Variants in DMRT1 observed in about 807,000 individuals in gnomAD.
DMRT1 encodes the protein doublesex- and mab-3-related transcription factor 1.
Under a neutral mutation model 32.3 loss-of-function variants are expected in DMRT1, and 7 were observed. The ratio of observed to expected loss-of-function variants is 0.22; its 90% CI spans 0.12 to 0.41. DMRT1 has a LOEUF of 0.41. DMRT1 is among the 10% of genes least tolerant of loss of function. The probability of loss-of-function intolerance (pLI) is 1.00; values close to 1 mark genes in which losing one functional copy is unlikely to be tolerated. For synonymous variants in DMRT1, 278 were observed against 206.1 expected (o/e 1.35, Z -2.99); for missense variants, 625 against 500.5 (o/e 1.25, Z -2.37).
At chr9:960,150 G>T (rs1819725536) in intron 4 of DMRT1, among the ~76,000 whole-genome samples, 1 of 152,166 alleles carries the variant, frequency 6.6e-6, no homozygotes, top group African/African-American at 2.4e-5. Flanking sequence ...CCTCAGGAAT[G>T]GTTAAGTGTC....
chr9:910,618 G>T (rs972289356), intron 3 of DMRT1, among the ~76,000 whole-genome samples: 1 of 151,944 alleles, frequency 6.6e-6, no homozygotes, highest in Non-Finnish European at 1.5e-5. Flanking sequence ...CGTATAAAAG[G>T]AAATTATGGC....
intron 3 of DMRT1, 40 bp downstream of exon 3, chr9:894,235 A>G (rs1817265328): frequency 6.2e-7 from 1 of 1,605,134 alleles, no homozygotes; most frequent in East Asian, 2.2e-5. Flanking sequence ...TGGTTGTGTG[A>G]AAGCCACATG....
chr9:913,580 G>A (rs1415694938), intron 3 of DMRT1, among the ~76,000 whole-genome samples: 1 of 150,882 alleles, frequency 6.6e-6, no homozygotes, highest in Admixed American at 6.6e-5. Flanking sequence ...AAACTGGATG[G>A]TTGTAAGCAA....
At chr9:902,086 T>C (rs1369456317) in intron 3 of DMRT1, among the ~76,000 whole-genome samples, 1 of 151,600 alleles carries the variant, frequency 6.6e-6, no homozygotes, top group Non-Finnish European at 1.5e-5. Flanking sequence ...ATTTTTGTAT[T>C]TTTAGTCGAG....
At chr9:942,271 T>C (rs1819099744) in intron 4 of DMRT1, among the ~76,000 whole-genome samples, 2 of 152,170 alleles carry the variant, frequency 1.3e-5, no homozygotes, top group Non-Finnish European at 1.5e-5. Context: ...GAAATATCAA[T>C]TTTCCTTTTC....
chr9:922,479 A>G (rs1018247172), intron 4 of DMRT1, among the ~76,000 whole-genome samples: 7 of 152,228 alleles, frequency 4.6e-5, no homozygotes, highest in Non-Finnish European at 5.9e-5. Context: ...GTGTTTTAAC[A>G]GATGCACCTC....
intron 3 of DMRT1, among the ~76,000 whole-genome samples, chr9:914,489 A>G (rs7861775): frequency 0.65 from 97,842 of 149,446 alleles, 32,230 homozygotes; most frequent in East Asian, 0.72. Flanking sequence ...CAGGAGAATG[A>G]CGTGAACCTG....
intron 2 of DMRT1, among the ~76,000 whole-genome samples, chr9:885,947 A>G (rs1048766648): frequency 6.6e-6 from 1 of 152,214 alleles, no homozygotes; most frequent in Non-Finnish European, 1.5e-5. Context: ...AACACAGCAC[A>G]TTCTCTTGAA....
At chr9:926,686 GTAGAGAGAGAGAGA>G (rs1818536122) in intron 4 of DMRT1, among the ~76,000 whole-genome samples, 1 of 148,996 alleles carries the variant, frequency 6.7e-6, no homozygotes, top group Non-Finnish European at 1.5e-5. Flanking sequence ...GAAGACACAG[GTAGAGAGAGAGAGA>G]GAGAGAGAGA....
chr9:843,287 A>G (rs746122080), intron 1 of DMRT1, among the ~76,000 whole-genome samples: 6 of 152,344 alleles, frequency 3.9e-5, no homozygotes, highest in Non-Finnish European at 7.3e-5. Flanking sequence ...AGTCGCTGCA[A>G]TGGACACAGC....
intron 3 of DMRT1, 57 bp downstream of exon 3, chr9:894,252 C>T: frequency 6.6e-7 from 1 of 1,524,304 alleles, no homozygotes. Context: ...CATGCATGTG[C>T]ACACACATGC....
chr9:854,599 GAA>G (rs1337273293), intron 2 of DMRT1, among the ~76,000 whole-genome samples: 4 of 152,048 alleles, frequency 2.6e-5, no homozygotes. Context: ...CTTTATTTTT[GAA>G]AGAGTCTGGC....
At chr9:911,699 T>G (rs1455081968) in intron 3 of DMRT1, among the ~76,000 whole-genome samples, 1 of 151,548 alleles carries the variant, frequency 6.6e-6, no homozygotes. Flanking sequence ...ACCATGTTGG[T>G]CAGGCTGGTC....
At chr9:896,292 T>C (rs1817359382) in intron 3 of DMRT1, among the ~76,000 whole-genome samples, 1 of 148,056 alleles carries the variant, frequency 6.8e-6, no homozygotes, top group Non-Finnish European at 1.5e-5. Flanking sequence ...TTTCTTTTTT[T>C]TTTTTTTTTT....
At chr9:931,571 T>C (rs561235104) in intron 4 of DMRT1, among the ~76,000 whole-genome samples, 15 of 152,342 alleles carry the variant, frequency 9.8e-5, no homozygotes, top group African/African-American at 3.6e-4. Flanking sequence ...AAGTCCAAGA[T>C]CAAGGTGCTG....
intron 4 of DMRT1, among the ~76,000 whole-genome samples, chr9:962,226 C>T (rs770618343): frequency 5.9e-5 from 9 of 152,244 alleles, no homozygotes; most frequent in East Asian, 5.8e-4. Context: ...CTCGTGTGCA[C>T]GCTTGCTCAC....
chr9:929,066 T>C (rs952891538), intron 4 of DMRT1, among the ~76,000 whole-genome samples: 2 of 152,072 alleles, frequency 1.3e-5, no homozygotes, highest in Non-Finnish European at 2.9e-5. Flanking sequence ...CTCAAACTCC[T>C]GATCTCAAGT....
Position 922,726 on chromosome 9 carries a change from G to A in DMRT1, c.967+5819G>A, listed in dbSNP as rs10118851. Among the ~76,000 whole-genome samples the A allele has an allele frequency of 8.4e-3, 1,286 of 152,290 alleles. 15 individuals carry two copies. The highest frequency in any genetic ancestry group is 0.03 in the African/African-American group (1,240 of 41,538). ...TTCCGTCTCAGAGTGGCAGCCTGCC[G>A]TGCAACTTCAGCCTTCCTTCACGTC... On this transcript the variant is annotated intron_variant, in intron 4 of 4. Transcript: ENST00000382276.
chr9:863,147 T>TAAAAA (rs1298747003), intron 2 of DMRT1, among the ~76,000 whole-genome samples: 6,183 of 23,902 alleles, frequency 0.26, 234 homozygotes, highest in Middle Eastern at 0.39. Context: ...ATCAGGTCTC[T>TAAAAA]ACAAAAAAAA....
Sources: gnomAD v4.1 joint callset for allele counts (sites outside exome capture counted in the v4.1 genomes callset) on GRCh38, gnomAD v4.1.1 for gene constraint, MANE v1.5 for transcripts, NCBI Gene and HGNC (gene_info 2026-07-23, HGNC 2026-07-21) for gene names.